The following PUDP variants were observed in gnomAD, a reference collection of about 807,000 sequenced individuals.
The protein encoded by PUDP is pseudouridine 5'-phosphatase.
Under a neutral mutation model 9.4 loss-of-function variants are expected in PUDP, and 8 were observed. The observed-to-expected ratio is 0.85, with a 90% CI of 0.50 to 1.53. The LOEUF is 1.53. Ranked by LOEUF, PUDP falls within the 40% of genes most tolerant of loss-of-function variation. The pLI is 0.00. For missense variants in PUDP, 188 were observed against 189.7 expected, an observed-to-expected ratio of 0.99 and a Z score of 0.05; for synonymous variants, 99 against 80.7, an observed-to-expected ratio of 1.23 and a Z score of -1.22.
chrX:7,105,172 T>C (rs1250179802), intron 2 of PUDP, among the ~76,000 whole-genome samples: 2 of 110,548 alleles, frequency 1.8e-5, no homozygotes, highest in Non-Finnish European at 3.8e-5. Context: ...ATTCGACTTT[T>C]TACTTTTTTT....
intron 3 of PUDP, among the ~76,000 whole-genome samples, chrX:6,732,133 T>G (rs982168717): frequency 5.4e-5 from 6 of 111,775 alleles, no homozygotes; most frequent in Non-Finnish European, 3.8e-5. Context: ...TAGTAATTTT[T>G]GGGGGAAATT....
At chrX:6,864,178 A>C (rs2146729818) in intron 3 of PUDP, among the ~76,000 whole-genome samples, 1 of 111,920 alleles carries the variant, frequency 8.9e-6, no homozygotes, top group East Asian at 2.8e-4. Context: ...TAGATGTTTC[A>C]TCCACTGGAG....
intron 3 of PUDP, among the ~76,000 whole-genome samples, chrX:6,934,129 G>C (rs1274710477): frequency 8.6e-5 from 9 of 104,643 alleles, no homozygotes; most frequent in Non-Finnish European, 1.6e-4. Context: ...GAAATACAGA[G>C]AACGCCACAA....
At chrX:7,101,646 T>C (rs1205500353) in intron 2 of PUDP, among the ~76,000 whole-genome samples, 6 of 111,971 alleles carry the variant, frequency 5.4e-5, no homozygotes, top group African/African-American at 2.0e-4. Flanking sequence ...AAGAAAACCA[T>C]GTGAAAGGCT....
chrX:7,135,876 C>T (rs1932729858), intron 1 of PUDP, among the ~76,000 whole-genome samples: 1 of 111,233 alleles, frequency 9.0e-6, no homozygotes. Context: ...CTGCACGTTT[C>T]TCCTCAGAAT....
chrX:6,893,178 G>A (rs1043842140), intron 3 of PUDP, among the ~76,000 whole-genome samples: 1 of 112,260 alleles, frequency 8.9e-6, no homozygotes, highest in African/African-American at 3.2e-5. Flanking sequence ...AAAGCAATCT[G>A]TAAATATCAT....
intron 3 of PUDP, among the ~76,000 whole-genome samples, chrX:6,873,138 T>G (rs954745730): frequency 9.0e-6 from 1 of 111,657 alleles, no homozygotes; most frequent in Admixed American, 9.5e-5. Context: ...CTTTTTGTTT[T>G]TGTACAGATG....
intron 1 of PUDP, among the ~76,000 whole-genome samples, chrX:6,998,119 G>T (rs1929274813): frequency 8.9e-6 from 1 of 111,805 alleles, no homozygotes; most frequent in African/African-American, 3.3e-5. Flanking sequence ...ATTAAGAGAT[G>T]GATGTCCACC....
chrX:6,981,294 T>C (rs1929029002), intron 1 of PUDP, among the ~76,000 whole-genome samples: 1 of 111,836 alleles, frequency 8.9e-6, no homozygotes, highest in African/African-American at 3.2e-5. Flanking sequence ...TGCCATTATT[T>C]TCTCTATGTT....
At chrX:7,048,164 C>T (rs755229784), downstream of PUDP, among the ~76,000 whole-genome samples, 5 of 112,151 alleles carry the variant, frequency 4.5e-5, no homozygotes, top group African/African-American at 1.6e-4. Flanking sequence ...ATTAAGATGA[C>T]GTTGATAGCG....
Position 7,022,609 on chromosome X carries a change from C to T in PUDP, c.205-44266G>A, listed in dbSNP as rs746863852. Among the ~76,000 whole-genome samples the T allele has an allele frequency of 6.3e-5, 7 of 111,557 alleles. No individual in the cohort carries two copies. In the South Asian group the frequency reaches 2.7e-3, roughly 43 times the overall value. ...TGATTCTGGCCTCCACTGCCAGAAT[C>T]CCTGGGTTCAAAATTTGACACTGCC... On this transcript the variant is annotated intron_variant and NMD_transcript_variant, in intron 1 of 3. Transcript: ENST00000655425.
At chrX:6,775,161 C>T (rs1925428940) in intron 3 of PUDP, among the ~76,000 whole-genome samples, 3 of 111,846 alleles carry the variant, frequency 2.7e-5, no homozygotes, top group South Asian at 7.4e-4. Context: ...GTGTCTATGG[C>T]TTTTCTTATT....
intron 3 of PUDP, among the ~76,000 whole-genome samples, chrX:6,799,140 GT>G (rs1340735217): frequency 8.9e-6 from 1 of 112,174 alleles, no homozygotes; most frequent in African/African-American, 3.2e-5. Context: ...GATATGATAT[GT>G]GGTTAACTGC....
chrX:7,031,581 G>A (rs1347437111), intron 1 of PUDP, among the ~76,000 whole-genome samples: 4 of 111,857 alleles, frequency 3.6e-5, no homozygotes, highest in African/African-American at 6.5e-5. Context: ...AACAAAGATT[G>A]GCCTTTTTAA....
chrX:6,939,845 C>CAAAAAAAAAAAAGAAA (rs1928373780), intron 3 of PUDP, among the ~76,000 whole-genome samples: 1 of 56,648 alleles, frequency 1.8e-5, no homozygotes. Flanking sequence ...GACTCTGTCT[C>CAAAAAAAAAAAAGAAA]AAAAAAAAAA....
At chrX:6,710,208 T>A (rs1924516186) in intron 1 of PUDP, among the ~76,000 whole-genome samples, 1 of 111,847 alleles carries the variant, frequency 8.9e-6, no homozygotes, top group South Asian at 3.7e-4. Context: ...CACAAAATGT[T>A]CTAATCACTC....
At chrX:6,779,058 T>C (rs962955428) in intron 3 of PUDP, among the ~76,000 whole-genome samples, 1 of 111,417 alleles carries the variant, frequency 9.0e-6, no homozygotes, top group Non-Finnish European at 1.9e-5. Context: ...AGAGCGAGCA[T>C]TGTGACCACT....
At chrX:6,915,377 C>T (rs1319425908) in intron 3 of PUDP, among the ~76,000 whole-genome samples, 2 of 112,119 alleles carry the variant, frequency 1.8e-5, no homozygotes, top group African/African-American at 6.5e-5. Context: ...CACAAATGTC[C>T]ATCCCCTTGT....
At chrX:7,141,127 G>T (rs1166281625) in intron 1 of PUDP, among the ~76,000 whole-genome samples, 1 of 111,932 alleles carries the variant, frequency 8.9e-6, no homozygotes, top group African/African-American at 3.3e-5. Context: ...TGGCCTCTAA[G>T]AGTTCAAGAG....
Sources: allele counts gnomAD v4.1 joint callset (sites outside exome capture counted in the v4.1 genomes callset), GRCh38; gene constraint gnomAD v4.1.1; transcripts MANE v1.5; gene names NCBI Gene and HGNC (gene_info 2026-07-23, HGNC 2026-07-21).